CCDC81: variants seen among roughly 807,000 people sequenced by gnomAD.
CCDC81 encodes coiled-coil domain-containing protein 81.
Under a neutral mutation model 83.7 loss-of-function variants are expected in CCDC81, and 79 were observed. That is an observed-to-expected ratio of 0.94 (90% confidence interval 0.79 to 1.14). The LOEUF is 1.14. Ranked by LOEUF, CCDC81 falls within the 50% of genes most tolerant of loss-of-function variation. The pLI is 0.00. For synonymous variants in CCDC81, 252 were observed against 278.1 expected, an observed-to-expected ratio of 0.91 and a Z score of 0.93; for missense variants, 791 against 778.1, an observed-to-expected ratio of 1.02 and a Z score of -0.20.
At chr11:86,400,882 T>G in intron 7 of CCDC81, 81 bp downstream of exon 7, 1 of 1,369,024 alleles carries the variant, frequency 7.3e-7, no homozygotes, top group Non-Finnish European at 1.0e-6. Flanking sequence ...GAACTGTAAT[T>G]GTTCATTAAT....
At chr11:86,392,180 T>C (rs1428533687) in intron 3 of CCDC81, among the ~76,000 whole-genome samples, 1 of 152,198 alleles carries the variant, frequency 6.6e-6, no homozygotes, top group African/African-American at 2.4e-5. Context: ...TGCTGCAGTA[T>C]GTCCTAAAAG....
intron 6 of CCDC81, among the ~76,000 whole-genome samples, chr11:86,398,762 G>A (rs1948443523): frequency 6.6e-6 from 1 of 151,948 alleles, no homozygotes; most frequent in African/African-American, 2.4e-5. Context: ...TAGTAGAGAT[G>A]GGGTTTCACC....
At chr11:86,390,819 A>G (rs1390422793) in intron 3 of CCDC81, among the ~76,000 whole-genome samples, 1 of 152,094 alleles carries the variant, frequency 6.6e-6, no homozygotes, top group Admixed American at 6.6e-5. Flanking sequence ...GGTGGTGGAT[A>G]AAATAGTGAA....
chr11:86,377,447 T>C (rs1181808777), intron 1 of CCDC81, among the ~76,000 whole-genome samples: 5 of 152,176 alleles, frequency 3.3e-5, no homozygotes, highest in Admixed American at 3.3e-4. Flanking sequence ...TGTCACTCCA[T>C]GTTATTGTCA....
At chr11:86,406,762 G>A (rs1293128574) in intron 7 of CCDC81, among the ~76,000 whole-genome samples, 2 of 152,248 alleles carry the variant, frequency 1.3e-5, no homozygotes, top group Non-Finnish European at 2.9e-5. Flanking sequence ...CTGAGATTGC[G>A]CCATTGCACT....
chr11:86,395,445 C>G, intron 5 of CCDC81, 32 bp downstream of exon 5: 2 of 1,542,634 alleles, frequency 1.3e-6, no homozygotes, highest in East Asian at 4.5e-5. Flanking sequence ...TTCCTCTAGG[C>G]ACTAGCACTC....
At chr11:86,380,402 T>C (rs867507411) in intron 1 of CCDC81, among the ~76,000 whole-genome samples, 45 of 152,202 alleles carry the variant, frequency 3.0e-4, no homozygotes, top group Non-Finnish European at 5.7e-4. Flanking sequence ...TCTGATTTTC[T>C]GTACTTTGAA....
At chr11:86,390,491 T>C (rs767538540) in intron 3 of CCDC81, among the ~76,000 whole-genome samples, 22 of 152,162 alleles carry the variant, frequency 1.4e-4, no homozygotes, top group Admixed American at 9.2e-4. Context: ...TGAGGAGCCA[T>C]TGAAAGTTTT....
At chr11:86,390,349 G>A (rs534098795) in intron 3 of CCDC81, among the ~76,000 whole-genome samples, 4 of 152,116 alleles carry the variant, frequency 2.6e-5, no homozygotes, top group Admixed American at 6.6e-5. Context: ...GAAGTAACGG[G>A]TACTTCCGTA....
Position 86,397,724 on chromosome 11 carries a change from AAAG to A in CCDC81, c.746_748del (p.Glu249del), listed in dbSNP as rs1369980751. 8 of 1,613,708 alleles carry A rather than the reference AAAG, an allele frequency of 5.0e-6. No individual in the cohort carries two copies. The East Asian group carries it at 1.1e-4, about 22-fold the overall frequency. On this transcript the variant is annotated inframe_deletion, in exon 6 of 15. Coordinates refer to ENST00000445632, the MANE Select transcript of CCDC81 (RefSeq NM_001156474.2). ...GTGCAAGTTAAAAGACCAGTCAGAC[AAAG>A]AAGAAGGCACCAGAGGTAGGCCAAT...
intron 11 of CCDC81, 134 bp from the exon 12 acceptor site, chr11:86,414,655 G>T: frequency 1.6e-6 from 1 of 620,454 alleles, no homozygotes; most frequent in East Asian, 2.9e-5. Flanking sequence ...AAAGCTACCA[G>T]AATAAAACAT....
intron 12 of CCDC81, 81 bp from the exon 13 acceptor site, chr11:86,415,012 A>G: frequency 1.3e-6 from 2 of 1,503,014 alleles, no homozygotes; most frequent in Non-Finnish European, 1.8e-6. Context: ...AGATGCTGGT[A>G]TTTTACCACA....
chr11:86,415,362 G>A (rs766712262), intron 13 of CCDC81, 49 bp downstream of exon 13: 11 of 1,456,082 alleles, frequency 7.6e-6, no homozygotes, highest in Middle Eastern at 2.3e-4. Flanking sequence ...CACTTATTCC[G>A]CTTCCTTTAT....
At chr11:86,396,995 A>C in intron 5 of CCDC81, among the ~76,000 whole-genome samples, 1 of 152,148 alleles carries the variant, frequency 6.6e-6, no homozygotes, top group East Asian at 1.9e-4. Flanking sequence ...TGTTTTATTT[A>C]TGTGACATTT....
intron 6 of CCDC81, 70 bp from the exon 7 acceptor site, chr11:86,400,608 G>T: frequency 6.9e-7 from 1 of 1,459,310 alleles, no homozygotes; most frequent in Non-Finnish European, 9.3e-7. Flanking sequence ...ATTTCCCTTG[G>T]TAAAAACTAC....
intron 7 of CCDC81, among the ~76,000 whole-genome samples, chr11:86,403,296 T>C (rs1370102729): frequency 6.6e-6 from 1 of 152,150 alleles, no homozygotes; most frequent in Non-Finnish European, 1.5e-5. Flanking sequence ...TCATATATCA[T>C]AAGTATGAAT....
intron 14 of CCDC81, among the ~76,000 whole-genome samples, chr11:86,421,116 G>C (rs948098096): frequency 6.6e-6 from 1 of 152,154 alleles, no homozygotes; most frequent in African/African-American, 2.4e-5. Context: ...TAGGCCAAGT[G>C]TGGACAGAGA....
chr11:86,390,453 C>T lies in CCDC81; in HGVS notation c.299-2088C>T, dbSNP rs368565794. Among the ~76,000 whole-genome samples, 15 of 152,188 alleles carry T rather than the reference C, an allele frequency of 9.9e-5. No homozygotes were observed. The East Asian group carries it at 1.4e-3, about 14-fold the overall frequency. On this transcript the variant is annotated intron_variant, in intron 3 of 14. Transcript: ENST00000445632. The stretch of plus-strand genomic sequence containing the variant: ...TGTGAGGGGCCTTATATGGTGTGAT[C>T]GGACTTTAGAATTCATCCTGTAGGC...
At chr11:86,379,866 C>T (rs1041928704) in intron 1 of CCDC81, among the ~76,000 whole-genome samples, 2 of 152,074 alleles carry the variant, frequency 1.3e-5, no homozygotes, top group Non-Finnish European at 2.9e-5. Flanking sequence ...CGACTGTAGT[C>T]CCAGCTACTC....
Sources: allele counts gnomAD v4.1 joint callset (sites outside exome capture counted in the v4.1 genomes callset), GRCh38; gene constraint gnomAD v4.1.1; transcripts MANE v1.5; gene names NCBI Gene and HGNC (gene_info 2026-07-23, HGNC 2026-07-21).